Variants in ZNF614 observed in about 807,000 individuals in gnomAD.
ZNF614 encodes the protein zinc finger protein 614.
Under a neutral mutation model 12.8 loss-of-function variants are expected in ZNF614, and 11 were observed. That is an observed-to-expected ratio of 0.86 (90% CI 0.54 to 1.43). ZNF614 has a LOEUF of 1.43. Among genes scored for constraint, ZNF614 ranks in the 40% most tolerant of loss-of-function variants. ZNF614 has a pLI of 0.00. For synonymous variants in ZNF614, 237 were observed against 237.5 expected (o/e 1.00, Z 0.02); for missense variants, 664 against 708.8 (o/e 0.94, Z 0.72).
At chr19:52,017,771 G>A (rs924464420) in intron 4 of ZNF614, 32 of 403,860 alleles carry the variant, frequency 7.9e-5, no homozygotes, top group East Asian at 6.5e-4. Context: ...TCAACTCTAC[G>A]ATCCCAGTAT....
intron 2 of ZNF614, among the ~76,000 whole-genome samples, chr19:52,021,322 C>G (rs1277680521): frequency 6.6e-6 from 1 of 152,054 alleles, no homozygotes; most frequent in East Asian, 1.9e-4. Flanking sequence ...ATCAAAGTAG[C>G]CAGGTAAGCC....
chr19:52,025,109 AAAAT>A (rs552038876), intron 2 of ZNF614, among the ~76,000 whole-genome samples: 22 of 152,162 alleles, frequency 1.4e-4, no homozygotes, highest in African/African-American at 4.6e-4. Context: ...ACTCTGTCTC[AAAAT>A]AAATAAATAA....
intron 2 of ZNF614, among the ~76,000 whole-genome samples, chr19:52,023,905 T>C (rs1568515552): frequency 6.6e-6 from 1 of 152,122 alleles, no homozygotes; most frequent in Non-Finnish European, 1.5e-5. Flanking sequence ...ACTTTCAGTC[T>C]CACCTCTCCA....
At position 52,016,678 on chromosome 19, in the gene ZNF614, C is replaced by T. The variant is rs373349160; in HGVS notation, c.920G>A (p.Arg307Gln). The T allele has an allele frequency of 5.1e-5, 82 of 1,614,180 alleles. No homozygotes were observed. Among genetic ancestry groups the T allele is most frequent in the Admixed American group, 6.7e-5 (4 of 60,018 alleles). The change falls in exon 5 of 5, where the codon CGA becomes CAA. Residue 307 changes from arginine to glutamine, a missense_variant. Transcript: ENST00000270649. The part of the protein sequence containing the change: ...TMKRYLIAHQ[R>Q]THSGEKPYVC... ...ATAAGGTTTCTCTCCACTATGAGTT[C>T]GCTGATGAGCAATTAGATAGCGCTT...
Position 52,018,073 on chromosome 19 carries a change from G to A in ZNF614, c.173C>T (p.Ser58Phe). Residue 58 changes from serine (S) to phenylalanine (F), a missense_variant, in exon 4 of 5, where the codon TCC (serine) becomes TTC (phenylalanine). By Grantham distance (155) the Ser-to-Phe change is radical. Coordinates refer to ENST00000270649, the MANE Select transcript of ZNF614 (RefSeq NM_025040.4). ...GYQTSKPDVL[S>F]KLAHGQEPWT... is the part of the protein sequence containing the mutation. The stretch of plus-strand genomic sequence containing the variant: ...TGGTTCTTGTCCATGTGCCAACTTG[G>A]AGAGTACATCTGGTTTGCTAGTTTG... The A allele has an allele frequency of 1.2e-6, 2 of 1,614,070 alleles. No individual in the cohort carries two copies. The highest frequency in any genetic ancestry group is 8.5e-7 in the Non-Finnish European group (1 of 1,179,988).
At chr19:52,024,657 G>A (rs886536347) in intron 2 of ZNF614, among the ~76,000 whole-genome samples, 2 of 151,994 alleles carry the variant, frequency 1.3e-5, no homozygotes, top group Non-Finnish European at 2.9e-5. Context: ...TTGACTCAAG[G>A]TTTAATGGAT....
chr19:52,027,603 T>G lies in ZNF614; in HGVS notation c.-217+639A>C, dbSNP rs550432748. 7.2e-5 allele frequency among the ~76,000 whole-genome samples: 11 copies of G among 152,362 alleles called. No individual in the cohort carries two copies. The South Asian group carries it at 2.3e-3, about 32-fold the overall frequency. ...CCTCATAGGCAGTCAATTGTGTGTG[T>G]GTGTGTTAACTGATATCCAATAAAA... is the stretch of plus-strand genomic sequence containing the variant. On this transcript the variant is annotated intron_variant, in intron 1 of 4. Transcript: ENST00000270649.
intron 2 of ZNF614, among the ~76,000 whole-genome samples, chr19:52,019,629 T>C (rs1600036832): frequency 6.6e-6 from 1 of 152,302 alleles, no homozygotes. Flanking sequence ...ATTTCAATAA[T>C]AGAATCCAGA....
intron 1 of ZNF614, 72 bp from the exon 2 acceptor site, chr19:52,026,033 C>G (rs1360788282): frequency 5.8e-6 from 2 of 347,184 alleles, no homozygotes. Flanking sequence ...TCTGCACTTA[C>G]CTTAAATAAA....
intron 4 of ZNF614, 196 bp downstream of exon 4, chr19:52,017,812 T>A: frequency 2.0e-6 from 1 of 500,706 alleles, no homozygotes; most frequent in Non-Finnish European, 3.5e-6. Context: ...TAAGCTGAAA[T>A]ATATCCAAGA....
rs1359577787 is a variant in ZNF614, at chr19:52,015,446, A to G, written c.*394T>C. The G allele has an allele frequency of 1.3e-5, 2 of 159,464 alleles. No homozygotes were observed. Among genetic ancestry groups the G allele is most frequent in the African/African-American group, 2.4e-5 (1 of 41,580 alleles). 9.9% of individuals were successfully genotyped at this position (159,464 alleles called of 1,614,324 possible). On this transcript the variant is annotated 3_prime_UTR_variant, in exon 5 of 5. Transcript: ENST00000270649. The stretch of plus-strand genomic sequence containing the variant: ...AATAAGCTCACTTACGTTGAAATCT[A>G]TGATGAAACCTGATAATAAAGTCTA...
intron 2 of ZNF614, among the ~76,000 whole-genome samples, chr19:52,022,476 G>A (rs191411247): frequency 6.6e-6 from 1 of 152,122 alleles, no homozygotes; most frequent in African/African-American, 2.4e-5. Flanking sequence ...GCTGCTGTGC[G>A]ACCCTCCAAG....
intron 2 of ZNF614, among the ~76,000 whole-genome samples, chr19:52,020,032 C>T (rs1256974591): frequency 6.6e-6 from 1 of 152,194 alleles, no homozygotes; most frequent in Non-Finnish European, 1.5e-5. Context: ...TACCTCACTC[C>T]ACAGTCCAAA....
At position 52,016,013 on chromosome 19, in the gene ZNF614, G is replaced by A. The variant is rs1196465951; in HGVS notation, c.1585C>T (p.His529Tyr). 6.2e-7 allele frequency: 1 copy of A among 1,614,152 alleles called. No homozygotes were observed. The change falls in exon 5 of 5, where the codon CAT (histidine) becomes TAT (tyrosine). Residue 529 changes from histidine (H) to tyrosine (Y), a missense_variant. Transcript: ENST00000270649. ...CTCTCTCCTGTATGCGTTCTTTGAT[G>A]TACATTGAGTACTGACTTTGTGGTG... ...AFTTKSVLNV[H>Y]QRTHTGERPY... is the part of the protein sequence containing the mutation.
chr19:52,016,756 T>C lies in ZNF614; in HGVS notation c.842A>G (p.His281Arg), dbSNP rs139115156. 5.0e-6 allele frequency: 8 copies of C among 1,614,044 alleles called. No homozygotes were observed. The African/African-American group carries it at 1.1e-4, about 22-fold the overall frequency. ...KSSLITHQQT[H>R]TEEKSYMCSE... The stretch of plus-strand genomic sequence containing the variant: ...GCACATATAGGATTTCTCTTCTGTA[T>C]GGGTTTGTTGATGTGTAATGAGACT... Residue 281 changes from histidine to arginine, a missense_variant, in exon 5 of 5, where the codon CAT becomes CGT. His to Arg is a conservative substitution (Grantham distance 29, BLOSUM62 0). Coordinates refer to ENST00000270649, the MANE Select transcript of ZNF614 (RefSeq NM_025040.4).
rs2123117695 is a variant in ZNF614, at chr19:52,016,680, C to A, written c.918G>T (p.Gln306His). The A allele has an allele frequency of 5.0e-6, 8 of 1,614,218 alleles. No individual in the cohort carries two copies. The highest frequency in any genetic ancestry group is 5.9e-6 in the Non-Finnish European group (7 of 1,180,040). Residue 306 changes from glutamine to histidine, a missense_variant, in exon 5 of 5, where the codon CAG becomes CAT. Physicochemically the swap from Gln to His is conservative, Grantham distance 24 (BLOSUM62 0). Coordinates refer to ENST00000270649, the MANE Select transcript of ZNF614 (RefSeq NM_025040.4). ...FTMKRYLIAHQRTHSGEKPYV... is the reference protein window; with the variant it reads ...FTMKRYLIAHHRTHSGEKPYV... ...AAGGTTTCTCTCCACTATGAGTTCG[C>A]TGATGAGCAATTAGATAGCGCTTCA... is the stretch of plus-strand genomic sequence containing the variant.
intron 1 of ZNF614, among the ~76,000 whole-genome samples, chr19:52,027,262 C>T (rs986133686): frequency 2.6e-5 from 4 of 152,204 alleles, no homozygotes; most frequent in Non-Finnish European, 5.9e-5. Flanking sequence ...TGTACTGGTT[C>T]GAAAGTCTCT....
intron 2 of ZNF614, among the ~76,000 whole-genome samples, chr19:52,021,043 TGCTA>T (rs888651194): frequency 2.6e-5 from 4 of 152,250 alleles, no homozygotes; most frequent in Non-Finnish European, 5.9e-5. Context: ...ACTTCCATCT[TGCTA>T]GCAGAATCTG....
chr19:52,016,976 T>A lies in ZNF614; in HGVS notation c.622A>T (p.Ile208Phe). ...TQKIEKPHAC[I>F]ECEQTFLRKS... is the part of the protein sequence containing the mutation. ...CTAAGGAAGGTTTGCTCACATTCAATGCATGCATGGGGTTTCTCAATTTTC... is the reference window on the plus strand; with the variant it reads ...CTAAGGAAGGTTTGCTCACATTCAAAGCATGCATGGGGTTTCTCAATTTTC... Residue 208 changes from isoleucine to phenylalanine, a missense_variant, in exon 5 of 5, where the codon ATT becomes TTT. Ile to Phe is a conservative substitution (Grantham distance 21). Transcript: ENST00000270649. The A allele has an allele frequency of 6.2e-7, 1 of 1,613,940 alleles. No individual in the cohort carries two copies. The highest frequency in any genetic ancestry group is 8.5e-7 in the Non-Finnish European group (1 of 1,180,024).
Sources: gnomAD v4.1 joint callset for allele counts (sites outside exome capture counted in the v4.1 genomes callset) on GRCh38, gnomAD v4.1.1 for gene constraint, MANE v1.5 for transcripts, NCBI Gene and HGNC (gene_info 2026-07-23, HGNC 2026-07-21) for gene names.